Variants in VRK2 observed in about 807,000 individuals in gnomAD.
VRK2 encodes the protein serine/threonine-protein kinase VRK2.
VRK2 carries 60 observed loss-of-function variants against 57.6 expected under a neutral mutation model. The observed-to-expected ratio is 1.04, with a 90% CI of 0.85 to 1.29. The LOEUF (loss-of-function observed/expected upper bound fraction) is 1.29, where lower values mean the gene tolerates loss of function less well. VRK2 is among the 50% of genes most tolerant of loss of function. VRK2 has a pLI of 0.00. For synonymous variants in VRK2, 231 were observed against 199.2 expected (o/e 1.16, Z -1.35); for missense variants, 705 against 588.1 (o/e 1.20, Z -2.06).
At chr2:57,933,822 G>T (rs1670818629) in intron 1 of VRK2, among the ~76,000 whole-genome samples, 1 of 151,950 alleles carries the variant, frequency 6.6e-6, no homozygotes, top group South Asian at 2.1e-4. Context: ...TTTTCCTCTC[G>T]CTGTCTTCCT....
intron 1 of VRK2, among the ~76,000 whole-genome samples, chr2:57,940,195 A>T (rs1178559112): frequency 6.6e-6 from 1 of 152,132 alleles, no homozygotes; most frequent in African/African-American, 2.4e-5. Context: ...TATCTGCAGG[A>T]TGACACCCCA....
At chr2:57,932,816 G>C (rs568722388) in intron 1 of VRK2, among the ~76,000 whole-genome samples, 4 of 151,928 alleles carry the variant, frequency 2.6e-5, no homozygotes, top group Non-Finnish European at 5.9e-5. Context: ...TCTTCATGTA[G>C]GCATTTAACG....
intron 1 of VRK2, among the ~76,000 whole-genome samples, chr2:57,943,157 T>G (rs1671153060): frequency 6.6e-6 from 1 of 152,196 alleles, no homozygotes; most frequent in Non-Finnish European, 1.5e-5. Flanking sequence ...GCTATCAAAC[T>G]GAATGCTTGA....
intron 7 of VRK2, among the ~76,000 whole-genome samples, chr2:58,097,085 T>C (rs955864519): frequency 1.3e-5 from 2 of 152,110 alleles, no homozygotes; most frequent in Admixed American, 6.5e-5. Flanking sequence ...TAAAAGCTGA[T>C]CAGTTTTTGT....
intron 9 of VRK2, among the ~76,000 whole-genome samples, chr2:58,133,681 T>C (rs987550263): frequency 5.3e-5 from 8 of 152,202 alleles, no homozygotes; most frequent in Non-Finnish European, 8.8e-5. Flanking sequence ...GGTTGTGTAT[T>C]CCTTACTTGA....
chr2:57,937,833 T>C (rs972146175), intron 1 of VRK2, among the ~76,000 whole-genome samples: 2 of 143,334 alleles, frequency 1.4e-5, no homozygotes, highest in Admixed American at 7.0e-5. Context: ...CTTTCTTTTT[T>C]TTTTTTTTTT....
In VRK2 at chr2:58,109,035, A is replaced by T. The variant is rs190529710; in HGVS notation, c.544-14066A>T. Among the ~76,000 whole-genome samples, 6 of 152,310 alleles carry T rather than the reference A, an allele frequency of 3.9e-5. No homozygotes were observed. In the East Asian group the frequency reaches 1.2e-3, roughly 29 times the overall value. Reference sequence around the variant, plus strand: ...TACAGCAAGTATTTGATAAGTATGCATTCATTTTTCTTTTTCTTTTTTGAA... The same window carrying T: ...TACAGCAAGTATTTGATAAGTATGCTTTCATTTTTCTTTTTCTTTTTTGAA... On this transcript the variant is annotated intron_variant, in intron 7 of 12. Transcript: ENST00000340157.
Position 57,918,695 on chromosome 2 carries a change from T to C in VRK2, c.-439+10856T>C, listed in dbSNP as rs145471436. Among the ~76,000 whole-genome samples the C allele has an allele frequency of 6.5e-3, 985 of 152,206 alleles. 6 individuals carry two copies. The highest frequency in any genetic ancestry group is 0.065 in the Middle Eastern group (19 of 294). On this transcript the variant is annotated intron_variant, in intron 1 of 15. Transcript: ENST00000417641. The stretch of plus-strand genomic sequence containing the variant: ...TGTGTTGTTGGAGTTTTTAGTAATA[T>C]AAAAGACATGTTCTCTAGACCCAGA...
chr2:58,074,437 C>G (rs909934314), intron 2 of VRK2, among the ~76,000 whole-genome samples: 2 of 151,846 alleles, frequency 1.3e-5, no homozygotes, highest in African/African-American at 4.8e-5. Context: ...TCTCTCCTTT[C>G]TTGGAGTATC....
At chr2:57,975,910 C>T (rs1052002932) in intron 1 of VRK2, among the ~76,000 whole-genome samples, 2 of 151,836 alleles carry the variant, frequency 1.3e-5, no homozygotes, top group Admixed American at 6.6e-5. Context: ...TGACCCTCAC[C>T]CTCCTCTCAC....
rs183664853 is a variant in VRK2 at position 57,975,171 on chromosome 2, T to A, written c.-438-50494T>A. Among the ~76,000 whole-genome samples the A allele has an allele frequency of 1.2e-3, 185 of 151,898 alleles. 1 individual carries two copies. The highest frequency in any genetic ancestry group is 4.3e-3 in the African/African-American group (179 of 41,472). On this transcript the variant is annotated intron_variant, in intron 1 of 15. Coordinates refer to the VRK2 transcript ENST00000417641. ...TGAAAACGATGTTCTATAATCACAA[T>A]GAAAAAAAATATACTGTTACCAAGA...
chr2:57,956,372 G>A (rs1671587154), intron 1 of VRK2, among the ~76,000 whole-genome samples: 1 of 152,154 alleles, frequency 6.6e-6, no homozygotes. Context: ...GTAACAGAGT[G>A]AGACCCTATC....
chr2:58,020,264 G>A (rs1336005963), intron 1 of VRK2, among the ~76,000 whole-genome samples: 1 of 152,106 alleles, frequency 6.6e-6, no homozygotes, highest in African/African-American at 2.4e-5. Flanking sequence ...CGGCCTGGAG[G>A]GCAGTGGTGT....
intron 2 of VRK2, among the ~76,000 whole-genome samples, chr2:58,068,179 C>G (rs1175431671): frequency 6.6e-6 from 1 of 152,176 alleles, no homozygotes; most frequent in Non-Finnish European, 1.5e-5. Context: ...ATCTGTCCAC[C>G]TTGGCCTCCC....
chr2:57,930,097 G>A (rs1413999121), intron 1 of VRK2, among the ~76,000 whole-genome samples: 1 of 152,118 alleles, frequency 6.6e-6, no homozygotes, highest in African/African-American at 2.4e-5. Flanking sequence ...GGGCCCTGTA[G>A]ATCTCCTGGC....
chr2:57,921,943 C>T (rs990910307), intron 1 of VRK2, among the ~76,000 whole-genome samples: 2 of 152,104 alleles, frequency 1.3e-5, no homozygotes, highest in African/African-American at 2.4e-5. Flanking sequence ...ATTACTTATA[C>T]AATCCAAATC....
intron 12 of VRK2, among the ~76,000 whole-genome samples, chr2:58,146,989 A>G (rs1183109790): frequency 1.3e-5 from 2 of 151,996 alleles, no homozygotes; most frequent in African/African-American, 2.4e-5. Context: ...GAAGCATACA[A>G]TGCATTTATT....
intron 7 of VRK2, among the ~76,000 whole-genome samples, chr2:58,120,954 C>A (rs1677406498): frequency 6.6e-6 from 1 of 152,236 alleles, no homozygotes; most frequent in South Asian, 2.1e-4. Flanking sequence ...AAACTCTCAT[C>A]TATATTGCAC....
At chr2:58,069,631 C>T (rs1669111074) in intron 2 of VRK2, among the ~76,000 whole-genome samples, 1 of 152,102 alleles carries the variant, frequency 6.6e-6, no homozygotes, top group African/African-American at 2.4e-5. Context: ...GGAAAGTTTC[C>T]TTCCTTGAGA....
Sources: gnomAD v4.1 joint callset for allele counts (sites outside exome capture counted in the v4.1 genomes callset) on GRCh38, gnomAD v4.1.1 for gene constraint, MANE v1.5 for transcripts, NCBI Gene and HGNC (gene_info 2026-07-23, HGNC 2026-07-21) for gene names.